The following GRIK2 variants were observed in gnomAD, a reference collection of about 807,000 sequenced individuals.
GRIK2 encodes the protein glutamate ionotropic receptor kainate type subunit 2, also known as glutamate receptor ionotropic, kainate 2.
In GRIK2, 32 loss-of-function variants were observed where a neutral mutation model predicts 100.3. The ratio of observed to expected loss-of-function variants is 0.32; its 90% CI spans 0.24 to 0.43. The LOEUF (loss-of-function observed/expected upper bound fraction) is 0.43. Among genes scored for constraint, GRIK2 ranks in the 20% least tolerant of loss-of-function variants. The pLI is 1.00. For synonymous variants in GRIK2, 417 were observed against 389.4 expected (o/e 1.07, Z -0.83); for missense variants, 843 against 1,114.9 (o/e 0.76, Z 3.47).
At position 101,897,315 on chromosome 6, in the gene GRIK2, A is replaced by G. The variant is rs571435315; in HGVS notation, c.1748+7452A>G. 3.3e-5 allele frequency among the ~76,000 whole-genome samples: 5 copies of G among 151,870 alleles called. No individual in the cohort carries two copies. In the East Asian group the frequency reaches 9.6e-4, roughly 29 times the overall value. On this transcript the variant is annotated intron_variant, in intron 12 of 16. Coordinates refer to ENST00000369134, the MANE Select transcript of GRIK2 (RefSeq NM_021956.5). The stretch of plus-strand genomic sequence containing the variant: ...AGAACCAACAGGATAAGGAAAAACA[A>G]TCATTTTTTACCAAGTGATACACTT...
chr6:101,793,215 G>C (rs1159428799), intron 7 of GRIK2, among the ~76,000 whole-genome samples: 3 of 152,160 alleles, frequency 2.0e-5, no homozygotes, highest in Non-Finnish European at 1.5e-5. Flanking sequence ...ACTTGTCAAC[G>C]TCATTCTCCA....
chr6:101,670,279 G>T (rs1262492570), intron 4 of GRIK2, among the ~76,000 whole-genome samples: 1 of 152,080 alleles, frequency 6.6e-6, no homozygotes, highest in Admixed American at 6.6e-5. Flanking sequence ...ATGAATGAAT[G>T]AAGATAACAT....
intron 14 of GRIK2, among the ~76,000 whole-genome samples, chr6:101,932,637 T>C (rs1790364141): frequency 6.6e-6 from 1 of 151,900 alleles, no homozygotes; most frequent in South Asian, 2.1e-4. Flanking sequence ...ATATGTTTTC[T>C]TGGTTCCTGT....
At chr6:101,509,907 A>C (rs1220467106) in intron 2 of GRIK2, among the ~76,000 whole-genome samples, 1 of 152,094 alleles carries the variant, frequency 6.6e-6, no homozygotes. Context: ...TTCTGTTCAA[A>C]ATTTTTCAAA....
chr6:101,721,218 A>C (rs549893677), intron 7 of GRIK2, among the ~76,000 whole-genome samples: 2 of 152,052 alleles, frequency 1.3e-5, no homozygotes, highest in Middle Eastern at 3.4e-3. Context: ...TTTCTATTCT[A>C]AAAGGCAGTT....
At chr6:101,653,487 C>T (rs899346364) in intron 4 of GRIK2, among the ~76,000 whole-genome samples, 1 of 152,064 alleles carries the variant, frequency 6.6e-6, no homozygotes, top group African/African-American at 2.4e-5. Context: ...GTTCCCCAAA[C>T]TCGTCATGCT....
chr6:101,455,990 C>G (rs1181949044), intron 2 of GRIK2, among the ~76,000 whole-genome samples: 3 of 151,574 alleles, frequency 2.0e-5, no homozygotes, highest in African/African-American at 7.3e-5. Context: ...GGTAAAAACT[C>G]AAAAAGCTAA....
chr6:102,049,207 C>T (rs1035783159), intron 15 of GRIK2, among the ~76,000 whole-genome samples: 2 of 151,680 alleles, frequency 1.3e-5, no homozygotes, highest in Non-Finnish European at 2.9e-5. Flanking sequence ...AGGGAACCTA[C>T]AAAAAATACA....
chr6:102,037,495 G>T (rs1770333078), intron 15 of GRIK2, among the ~76,000 whole-genome samples: 1 of 151,174 alleles, frequency 6.6e-6, no homozygotes, highest in Admixed American at 6.6e-5. Flanking sequence ...TAATGATACT[G>T]GATGCCACTG....
At chr6:101,843,786 G>C (rs760438710) in intron 10 of GRIK2, among the ~76,000 whole-genome samples, 1 of 152,120 alleles carries the variant, frequency 6.6e-6, no homozygotes, top group East Asian at 1.9e-4. Flanking sequence ...CCTCAGTTTT[G>C]TAATTTTAAT....
At chr6:101,683,171 A>G (rs1166154309) in intron 6 of GRIK2, among the ~76,000 whole-genome samples, 1 of 151,900 alleles carries the variant, frequency 6.6e-6, no homozygotes, top group Non-Finnish European at 1.5e-5. Context: ...ACTGCACTCC[A>G]GCCTGGGCGA....
intron 7 of GRIK2, among the ~76,000 whole-genome samples, chr6:101,710,738 C>G (rs374467075): frequency 8.6e-5 from 13 of 151,752 alleles, no homozygotes; most frequent in African/African-American, 3.1e-4. Flanking sequence ...CCTGGGGTCA[C>G]AAGACGTCCT....
intron 4 of GRIK2, among the ~76,000 whole-genome samples, chr6:101,660,709 T>G (rs1027807736): frequency 2.0e-5 from 3 of 152,172 alleles, no homozygotes; most frequent in Non-Finnish European, 4.4e-5. Context: ...TGTTTGTTAG[T>G]TTTCCTTCTA....
At chr6:101,955,183 G>A (rs1281215869) in intron 14 of GRIK2, among the ~76,000 whole-genome samples, 1 of 151,762 alleles carries the variant, frequency 6.6e-6, no homozygotes, top group Non-Finnish European at 1.5e-5. Flanking sequence ...TTTTTTGGGG[G>A]GTTTTGATAT....
intron 11 of GRIK2, among the ~76,000 whole-genome samples, chr6:101,884,773 T>C (rs528542086): frequency 1.4e-4 from 22 of 152,270 alleles, no homozygotes; most frequent in African/African-American, 4.8e-4. Context: ...TTGAAAATTT[T>C]AGTAAGTTAA....
intron 16 of GRIK2, among the ~76,000 whole-genome samples, chr6:102,056,089 TAC>T (rs1377310756): frequency 1.3e-5 from 2 of 151,894 alleles, no homozygotes; most frequent in South Asian, 2.1e-4. Context: ...CTGGAGAAAT[TAC>T]AGTTAATTTT....
chr6:101,652,974 G>A (rs894666871), intron 4 of GRIK2, among the ~76,000 whole-genome samples: 36 of 152,260 alleles, frequency 2.4e-4, no homozygotes, highest in Admixed American at 2.4e-3. Context: ...GAAGACAGAT[G>A]TGGGGAGTGC....
chr6:101,992,847 T>G (rs956645152), intron 14 of GRIK2, among the ~76,000 whole-genome samples: 4 of 151,626 alleles, frequency 2.6e-5, no homozygotes, highest in African/African-American at 9.7e-5. Flanking sequence ...TTCACTACTT[T>G]GGAAGATTAA....
In GRIK2 at chr6:102,051,251, C is replaced by CCCTTCCTTCTTTCCTTCCTTCCTTCCTT. The variant is rs764711100; in HGVS notation, c.2312-4070_2312-4069insTTTCCTTCCTTCCTTCCTTCCTTCCTTC. Among the ~76,000 whole-genome samples the CCCTTCCTTCTTTCCTTCCTTCCTTCCTT allele has an allele frequency of 6.4e-4, 78 of 122,142 alleles. 1 individual carries two copies. Among genetic ancestry groups the CCCTTCCTTCTTTCCTTCCTTCCTTCCTT allele is most frequent in the East Asian group, 2.0e-3 (7 of 3,574 alleles). The allele number at this position is 122,142 out of a possible 152,430, so 80.1% of individuals were successfully genotyped here. A position where few individuals can be genotyped will look rare whatever the true frequency, so the allele number is the denominator to read the frequency against. ...ACTATGACTGCCTGCTTCCCTCCCTCCCTTCCTTCCTTCCTTCCTTCCTTC... is the reference window on the plus strand; with the variant it reads ...ACTATGACTGCCTGCTTCCCTCCCTCCCTTCCTTCTTTCCTTCCTTCCTTCCTTCCTTCCTTCCTTCCTTCCTTCCTTC... On this transcript the variant is annotated intron_variant, in intron 15 of 16. Coordinates refer to ENST00000369134, the MANE Select transcript of GRIK2 (RefSeq NM_021956.5).
Sources: allele counts gnomAD v4.1 joint callset (sites outside exome capture counted in the v4.1 genomes callset), GRCh38; gene constraint gnomAD v4.1.1; transcripts MANE v1.5; gene names NCBI Gene and HGNC (gene_info 2026-07-23, HGNC 2026-07-21).